ITPRID1: variants seen among roughly 807,000 people sequenced by gnomAD.
ITPRID1 encodes the protein ITPR interacting domain containing 1.
A neutral mutation model predicts 95.4 loss-of-function variants in ITPRID1; 96 were observed. The ratio of observed to expected loss-of-function variants is 1.01; its 90% CI spans 0.85 to 1.19. ITPRID1 has a LOEUF of 1.19. Ranked by LOEUF, ITPRID1 falls within the 50% of genes most tolerant of loss-of-function variation. The pLI is 0.00. For synonymous variants in ITPRID1, 510 were observed against 453.6 expected (o/e 1.12, Z -1.58); for missense variants, 1,339 against 1,252.9 (o/e 1.07, Z -1.04).
At chr7:31,596,607 A>G (rs1786097982) in intron 10 of ITPRID1, among the ~76,000 whole-genome samples, 1 of 151,782 alleles carries the variant, frequency 6.6e-6, no homozygotes, top group African/African-American at 2.4e-5. Flanking sequence ...ACTTGACATC[A>G]TCAACTTGAC....
intron 10 of ITPRID1, among the ~76,000 whole-genome samples, chr7:31,586,952 T>C (rs1436453893): frequency 6.6e-6 from 1 of 152,134 alleles, no homozygotes; most frequent in African/African-American, 2.4e-5. Flanking sequence ...TAGGTTTTCT[T>C]CTAGGGTTTT....
chr7:31,622,830 G>T (rs1788045276), intron 10 of ITPRID1, among the ~76,000 whole-genome samples: 1 of 151,992 alleles, frequency 6.6e-6, no homozygotes, highest in African/African-American at 2.4e-5. Context: ...CTGGTTTTTT[G>T]AAATGATCAA....
chr7:31,536,037 T>C (rs911251468), intron 1 of ITPRID1, among the ~76,000 whole-genome samples: 1 of 152,170 alleles, frequency 6.6e-6, no homozygotes, highest in African/African-American at 2.4e-5. Flanking sequence ...TAGGAAAATA[T>C]CAGGCTATTA....
At chr7:31,518,157 T>C (rs566088143) in intron 1 of ITPRID1, 4 of 151,770 alleles carry the variant, frequency 2.6e-5, no homozygotes, top group Non-Finnish European at 4.4e-5. Context: ...GTCAGGAGAG[T>C]TGATGCTACA....
chr7:31,620,329 C>T (rs1195383510), intron 10 of ITPRID1, among the ~76,000 whole-genome samples: 2 of 152,016 alleles, frequency 1.3e-5, no homozygotes, highest in Non-Finnish European at 2.9e-5. Context: ...TGACCCCTGA[C>T]CCCTGAGCAG....
At chr7:31,618,152 G>C (rs966506468) in intron 10 of ITPRID1, among the ~76,000 whole-genome samples, 1 of 152,174 alleles carries the variant, frequency 6.6e-6, no homozygotes, top group African/African-American at 2.4e-5. Context: ...CTATGACTAA[G>C]TCACCCAGAT....
intron 1 of ITPRID1, among the ~76,000 whole-genome samples, chr7:31,530,049 C>A (rs1783546346): frequency 6.6e-6 from 1 of 152,074 alleles, no homozygotes; most frequent in Non-Finnish European, 1.5e-5. Flanking sequence ...TAGATGATTT[C>A]ATTTACCCCC....
chr7:31,630,374 T>A (rs963905033), intron 10 of ITPRID1, among the ~76,000 whole-genome samples: 3 of 152,074 alleles, frequency 2.0e-5, no homozygotes, highest in African/African-American at 7.2e-5. Flanking sequence ...AGATAACAAT[T>A]TATGATGCAG....
Position 31,653,106 on chromosome 7 carries a change from G to A in ITPRID1, c.*277G>A, listed in dbSNP as rs1387590436. 3.3e-6 allele frequency: 2 copies of A among 612,026 alleles called. No individual in the cohort carries two copies. The highest frequency in any genetic ancestry group is 3.9e-5 in the Admixed American group (1 of 25,842). The allele number at this position is 612,026 out of a possible 1,614,324, so 37.9% of individuals were successfully genotyped here. A position where few individuals can be genotyped will look rare whatever the true frequency, so the allele number is the denominator to read the frequency against. ...CCCTGCTAGAACTTACAGTGTAGTG[G>A]GGGAGATAGAATTGCAAACAAAAAG... On this transcript the variant is annotated 3_prime_UTR_variant, in exon 15 of 15. Transcript: ENST00000615280.
At chr7:31,592,591 A>C (rs2128155212) in intron 10 of ITPRID1, among the ~76,000 whole-genome samples, 1 of 152,308 alleles carries the variant, frequency 6.6e-6, no homozygotes, top group Non-Finnish European at 1.5e-5. Flanking sequence ...TCCACCTCAG[A>C]TCATCATAAG....
At chr7:31,636,868 TCCCTCCCCCCTCCC>T (rs1377365459) in intron 10 of ITPRID1, among the ~76,000 whole-genome samples, 5 of 112,930 alleles carry the variant, frequency 4.4e-5, no homozygotes, top group Non-Finnish European at 9.3e-5. Flanking sequence ...CCTAATGCTA[TCCCTCCCCCCTCCC>T]CCCTCCCCCC....
rs371302356 is a variant in ITPRID1, at chr7:31,655,802, C to T, written c.*2973C>T. ...ACCCAGGTTGGGCTTTTGACCTCCC[C>T]TTCTCCATGTAGACTCCGAGCTCTC... On this transcript the variant is annotated 3_prime_UTR_variant, in exon 15 of 15. Coordinates refer to ENST00000615280, the MANE Select transcript of ITPRID1 (RefSeq NM_001257967.3). 1.3e-5 allele frequency: 13 copies of T among 985,654 alleles called. No homozygotes were observed. The East Asian group carries it at 9.1e-4, about 69-fold the overall frequency. 61.1% of individuals were successfully genotyped at this position (985,654 alleles called of 1,614,324 possible). A position where few individuals can be genotyped will look rare whatever the true frequency, so the allele number is the denominator to read the frequency against.
At chr7:31,526,349 C>A (rs1055198989) in intron 1 of ITPRID1, among the ~76,000 whole-genome samples, 1 of 152,154 alleles carries the variant, frequency 6.6e-6, no homozygotes, top group African/African-American at 2.4e-5. Flanking sequence ...AGCATTTGTA[C>A]TTTTTGAGCT....
intron 2 of ITPRID1, 63 bp downstream of exon 2, chr7:31,549,562 A>G (rs1161440055): frequency 5.9e-6 from 7 of 1,190,850 alleles, no homozygotes; most frequent in Non-Finnish European, 8.2e-6. Context: ...TGTTTATTTC[A>G]TACTCATTAT....
intron 10 of ITPRID1, among the ~76,000 whole-genome samples, chr7:31,611,223 T>A (rs38331): frequency 1.3e-5 from 2 of 151,334 alleles, no homozygotes; most frequent in African/African-American, 2.4e-5. Context: ...TTAAAAATTT[T>A]CTCCAGTATA....
At chr7:31,523,239 C>G (rs1208432942) in intron 1 of ITPRID1, among the ~76,000 whole-genome samples, 2 of 152,184 alleles carry the variant, frequency 1.3e-5, no homozygotes, top group East Asian at 3.8e-4. Flanking sequence ...TCTTACTAAT[C>G]AAAGAAGAAT....
chr7:31,649,485 C>A (rs927924534), intron 12 of ITPRID1, among the ~76,000 whole-genome samples: 1 of 152,184 alleles, frequency 6.6e-6, no homozygotes, highest in East Asian at 1.9e-4. Context: ...ATTGTCTCTA[C>A]AAGGAATGCT....
intron 5 of ITPRID1, among the ~76,000 whole-genome samples, chr7:31,568,869 A>G (rs913409509): frequency 2.6e-5 from 4 of 152,196 alleles, no homozygotes; most frequent in Admixed American, 2.0e-4. Flanking sequence ...TGTTACAGAA[A>G]CAACAACAAC....
At chr7:31,589,544 C>A (rs999040194) in intron 10 of ITPRID1, among the ~76,000 whole-genome samples, 1 of 151,958 alleles carries the variant, frequency 6.6e-6, no homozygotes, top group African/African-American at 2.4e-5. Flanking sequence ...CTAAATAATA[C>A]CAGGATCAAA....
Sources: allele counts gnomAD v4.1 joint callset (sites outside exome capture counted in the v4.1 genomes callset), GRCh38; gene constraint gnomAD v4.1.1; transcripts MANE v1.5; gene names NCBI Gene and HGNC (gene_info 2026-07-23, HGNC 2026-07-21).